TRIO: variants seen among roughly 807,000 people sequenced by gnomAD.
TRIO encodes triple functional domain protein.
A neutral mutation model predicts 351.9 loss-of-function variants in TRIO; 58 were observed. The observed-to-expected ratio is 0.16, with a 90% CI of 0.13 to 0.21. The LOEUF is 0.21. Among genes scored for constraint, TRIO ranks in the 10% least tolerant of loss-of-function variants. The pLI is 1.00. For missense variants in TRIO, 3,201 were observed against 4,027.8 expected, an observed-to-expected ratio of 0.79 and a Z score of 5.56; for synonymous variants, 1,758 against 1,595.7, an observed-to-expected ratio of 1.10 and a Z score of -2.42.
At chr5:14,412,284 G>A (rs59371168) in intron 33 of TRIO, among the ~76,000 whole-genome samples, 18,319 of 152,134 alleles carry the variant, frequency 0.12, 1,637 homozygotes, top group African/African-American at 0.26. Flanking sequence ...CACCATGCCC[G>A]GCCACGGTTC....
intron 1 of TRIO, among the ~76,000 whole-genome samples, chr5:14,194,136 A>G (rs1189425173): frequency 6.6e-6 from 1 of 152,202 alleles, no homozygotes; most frequent in African/African-American, 2.4e-5. Context: ...AATTGTACCC[A>G]TTACTCGGTA....
intron 45 of TRIO, among the ~76,000 whole-genome samples, chr5:14,481,958 C>T (rs1365321125): frequency 6.6e-6 from 1 of 151,752 alleles, no homozygotes; most frequent in Non-Finnish European, 1.5e-5. Flanking sequence ...TGTAGTAGGA[C>T]CTCGGAGGTC....
intron 49 of TRIO, among the ~76,000 whole-genome samples, chr5:14,494,361 C>G (rs75539485): frequency 2.6e-5 from 4 of 152,202 alleles, no homozygotes; most frequent in Non-Finnish European, 5.9e-5. Flanking sequence ...GCTGACAGCA[C>G]ATCTGTACAC....
chr5:14,284,147 G>C (rs1310382854), intron 3 of TRIO, among the ~76,000 whole-genome samples: 1 of 152,112 alleles, frequency 6.6e-6, no homozygotes, highest in Non-Finnish European at 1.5e-5. Context: ...GAAACAAGTA[G>C]AGTTTCTCTT....
chr5:14,263,755 A>T (rs1029130220), intron 1 of TRIO, among the ~76,000 whole-genome samples: 1 of 152,302 alleles, frequency 6.6e-6, no homozygotes, highest in Admixed American at 6.5e-5. Context: ...GTGTGTGTGT[A>T]TGGGTAAGGG....
intron 1 of TRIO, among the ~76,000 whole-genome samples, chr5:14,150,032 C>T (rs1033718146): frequency 6.6e-6 from 1 of 152,168 alleles, no homozygotes; most frequent in East Asian, 1.9e-4. Flanking sequence ...CTCTGTGGAC[C>T]CCTTTCCTGA....
intron 1 of TRIO, among the ~76,000 whole-genome samples, chr5:14,210,710 T>A (rs554760379): frequency 2.6e-5 from 4 of 152,340 alleles, no homozygotes; most frequent in Admixed American, 6.5e-5. Flanking sequence ...ATCACCCTTA[T>A]TTTTCCATCA....
chr5:14,384,592 A>C (rs1049040524), intron 21 of TRIO, among the ~76,000 whole-genome samples: 1 of 152,164 alleles, frequency 6.6e-6, no homozygotes, highest in Non-Finnish European at 1.5e-5. Flanking sequence ...TTGGAAAAAA[A>C]ATTAAGTTGG....
intron 11 of TRIO, among the ~76,000 whole-genome samples, chr5:14,340,314 A>G (rs983018316): frequency 6.0e-5 from 9 of 150,954 alleles, no homozygotes; most frequent in African/African-American, 1.7e-4. Context: ...GGAGAATGGC[A>G]TGAACCTGGG....
rs1176862424 is a variant in TRIO, at chr5:14,316,785, T to C, written c.1731+42T>C. On this transcript the variant is annotated intron_variant, in intron 9 of 56. Coordinates refer to ENST00000344204, the MANE Select transcript of TRIO (RefSeq NM_007118.4). ...GCCCTTCTGCATGGGAAATGGCTTG[T>C]GTTGAGTAGAGTTTAAATACATCAT... The C allele has an allele frequency of 3.8e-6, 6 of 1,566,240 alleles. No homozygotes were observed. The South Asian group carries it at 6.9e-5, about 18-fold the overall frequency.
rs1205898193 is a variant in TRIO, at chr5:14,434,833, G to C, written c.5203+14812G>C. Among the ~76,000 whole-genome samples, 5 of 152,230 alleles carry C rather than the reference G, an allele frequency of 3.3e-5. No individual in the cohort carries two copies. In the East Asian group the frequency reaches 9.6e-4, roughly 29 times the overall value. On this transcript the variant is annotated intron_variant, in intron 34 of 56. Coordinates refer to ENST00000344204, the MANE Select transcript of TRIO (RefSeq NM_007118.4). Reference sequence around the variant, plus strand: ...TAATAATTTCCCCCAATCTGTAGCAGCTCTTCAGTCTTTTTTCTTCTTCAT... The same window carrying C: ...TAATAATTTCCCCCAATCTGTAGCACCTCTTCAGTCTTTTTTCTTCTTCAT...
intron 47 of TRIO, among the ~76,000 whole-genome samples, chr5:14,487,028 C>G (rs922795323): frequency 5.3e-5 from 8 of 152,194 alleles, no homozygotes; most frequent in Non-Finnish European, 8.8e-5. Context: ...CTCCAGGGGC[C>G]TCTAGTAGCT....
intron 1 of TRIO, among the ~76,000 whole-genome samples, chr5:14,208,679 C>T (rs567215332): frequency 2.5e-4 from 38 of 152,282 alleles, no homozygotes; most frequent in Non-Finnish European, 4.3e-4. Flanking sequence ...ACTTTTGTAA[C>T]AAATAGCTGA....
chr5:14,339,681 A>G (rs1741760299), intron 11 of TRIO, among the ~76,000 whole-genome samples: 1 of 152,200 alleles, frequency 6.6e-6, no homozygotes, highest in Admixed American at 6.5e-5. Flanking sequence ...TGTGATTGGC[A>G]TTCAAGGACG....
chr5:14,432,668 A>G (rs1473603248), intron 34 of TRIO, among the ~76,000 whole-genome samples: 1 of 152,230 alleles, frequency 6.6e-6, no homozygotes, highest in Non-Finnish European at 1.5e-5. Flanking sequence ...TGATTACAGA[A>G]CTTTACTCAC....
At chr5:14,431,418 T>G (rs1751126230) in intron 34 of TRIO, among the ~76,000 whole-genome samples, 1 of 152,208 alleles carries the variant, frequency 6.6e-6, no homozygotes, top group Non-Finnish European at 1.5e-5. Flanking sequence ...TTTCAAACAT[T>G]CGAGAGGACA....
intron 11 of TRIO, 37 bp from the exon 12 acceptor site, chr5:14,358,141 A>AGGCC (rs1561386492): frequency 1.9e-6 from 3 of 1,591,652 alleles, no homozygotes; most frequent in Admixed American, 1.7e-5. Context: ...TGGTGCAGCC[A>AGGCC]GGCCGGCCGG....
rs578002896 is a variant in TRIO at position 14,159,840 on chromosome 5, C to G, written c.157+15958C>G. Reference sequence around the variant, plus strand: ...TCGGCCTCCCAAAGTGCTGGGATTACAGGCGTGAGCCACCGCGTCCGGCCG... The same window carrying G: ...TCGGCCTCCCAAAGTGCTGGGATTAGAGGCGTGAGCCACCGCGTCCGGCCG... On this transcript the variant is annotated intron_variant, in intron 1 of 56. Coordinates refer to ENST00000344204, the MANE Select transcript of TRIO (RefSeq NM_007118.4). Among the ~76,000 whole-genome samples the G allele has an allele frequency of 4.6e-5, 7 of 152,360 alleles. No individual in the cohort carries two copies. In the East Asian group the frequency reaches 1.3e-3, roughly 29 times the overall value.
chr5:14,341,491 C>G (rs1355381319), intron 11 of TRIO, among the ~76,000 whole-genome samples: 1 of 152,166 alleles, frequency 6.6e-6, no homozygotes, highest in Non-Finnish European at 1.5e-5. Flanking sequence ...ACTAGTCTAC[C>G]TCCTGGAATT....
Sources: allele counts gnomAD v4.1 joint callset (sites outside exome capture counted in the v4.1 genomes callset), GRCh38; gene constraint gnomAD v4.1.1; transcripts MANE v1.5; gene names NCBI Gene and HGNC (gene_info 2026-07-23, HGNC 2026-07-21).